Variants in ADAMTS3 observed in about 807,000 individuals in gnomAD.
The protein encoded by ADAMTS3 is ADAM metallopeptidase with thrombospondin type 1 motif 3.
A neutral mutation model predicts 129.0 loss-of-function variants in ADAMTS3; 73 were observed. The ratio of observed to expected loss-of-function variants is 0.57; its 90% confidence interval spans 0.47 to 0.69. ADAMTS3 has a LOEUF of 0.69. Ranked by LOEUF, ADAMTS3 falls within the 30% of genes least tolerant of loss-of-function variation. The pLI is 0.00. For synonymous variants in ADAMTS3, 477 were observed against 510.8 expected, an observed-to-expected ratio of 0.93 and a Z score of 0.89; for missense variants, 1,457 against 1,514.5, an observed-to-expected ratio of 0.96 and a Z score of 0.63.
intron 3 of ADAMTS3, among the ~76,000 whole-genome samples, chr4:72,458,941 T>C (rs1718693856): frequency 6.6e-6 from 1 of 151,146 alleles, no homozygotes; most frequent in Admixed American, 6.6e-5. Context: ...TAAACAACAT[T>C]CCCCATAGCA....
At chr4:72,530,453 TATATATTAA>T (rs1211985039) in intron 3 of ADAMTS3, among the ~76,000 whole-genome samples, 1 of 89,656 alleles carries the variant, frequency 1.1e-5, no homozygotes, top group African/African-American at 4.6e-5. Context: ...TAATATATAT[TATATATTAA>T]ATATATTAAT....
intron 4 of ADAMTS3, among the ~76,000 whole-genome samples, chr4:72,369,494 T>C (rs1021335463): frequency 2.0e-5 from 3 of 152,070 alleles, no homozygotes; most frequent in African/African-American, 7.2e-5. Flanking sequence ...GCAGATCACT[T>C]GAGGTCAGGA....
chr4:72,530,044 ATATTTAT>A lies in ADAMTS3; in HGVS notation c.504+18427_504+18433del, dbSNP rs1720949437. Among the ~76,000 whole-genome samples, 11 of 20,422 alleles carry A rather than the reference ATATTTAT, an allele frequency of 5.4e-4. 4 individuals are homozygous for A. The highest frequency in any genetic ancestry group is 3.1e-3 in the African/African-American group (11 of 3,604). The allele number at this position is 20,422 out of a possible 152,430, so 13.4% of individuals were successfully genotyped here. A position where few individuals can be genotyped will look rare whatever the true frequency, so the allele number is the denominator to read the frequency against. ...TATTTATATATAAATATAATATATTATATTTATATATAATATGTTATATATAACATAT... is the reference window on the plus strand; with the variant it reads ...TATTTATATATAAATATAATATATTAATATAATATGTTATATATAACATAT... On this transcript the variant is annotated intron_variant, in intron 3 of 21. Coordinates refer to ENST00000286657, the MANE Select transcript of ADAMTS3 (RefSeq NM_014243.3).
chr4:72,439,929 T>C (rs1047787139), intron 3 of ADAMTS3, among the ~76,000 whole-genome samples: 2 of 151,968 alleles, frequency 1.3e-5, no homozygotes, highest in East Asian at 2.0e-4. Context: ...TTTCACTCAA[T>C]TGTTTACAAA....
chr4:72,337,290 G>A (rs1720015276), intron 5 of ADAMTS3, among the ~76,000 whole-genome samples: 1 of 151,770 alleles, frequency 6.6e-6, no homozygotes, highest in African/African-American at 2.4e-5. Flanking sequence ...TTTTTTAATG[G>A]ACTTAAGAAC....
intron 3 of ADAMTS3, among the ~76,000 whole-genome samples, chr4:72,541,018 C>A (rs1209555578): frequency 6.6e-6 from 1 of 152,128 alleles, no homozygotes; most frequent in Non-Finnish European, 1.5e-5. Context: ...TCCTCCAGAC[C>A]CCAGAATGAT....
At chr4:72,368,218 C>T (rs2109863571) in intron 4 of ADAMTS3, among the ~76,000 whole-genome samples, 1 of 152,250 alleles carries the variant, frequency 6.6e-6, no homozygotes, top group Non-Finnish European at 1.5e-5. Context: ...AGATGGCTTT[C>T]TAAAATATTT....
At chr4:72,296,219 A>G (rs1692956883) in intron 18 of ADAMTS3, among the ~76,000 whole-genome samples, 1 of 152,068 alleles carries the variant, frequency 6.6e-6, no homozygotes, top group Admixed American at 6.6e-5. Flanking sequence ...TCAGCAGAAT[A>G]CTGAAGTTCA....
intron 3 of ADAMTS3, among the ~76,000 whole-genome samples, chr4:72,513,546 A>G (rs1720372139): frequency 6.6e-6 from 1 of 151,980 alleles, no homozygotes; most frequent in Admixed American, 6.6e-5. Context: ...GTTTATTGAC[A>G]CTCCAAAGCT....
At chr4:72,402,464 T>C (rs1297356844) in intron 4 of ADAMTS3, among the ~76,000 whole-genome samples, 1 of 152,176 alleles carries the variant, frequency 6.6e-6, no homozygotes, top group Non-Finnish European at 1.5e-5. Context: ...ATTTGTAATT[T>C]AATATTGTCT....
intron 20 of ADAMTS3, among the ~76,000 whole-genome samples, chr4:72,290,564 CA>C (rs1224914477): frequency 6.6e-6 from 1 of 152,134 alleles, no homozygotes; most frequent in Non-Finnish European, 1.5e-5. Flanking sequence ...CATTCAATAT[CA>C]GGGGTTTGGA....
intron 17 of ADAMTS3, among the ~76,000 whole-genome samples, chr4:72,299,569 G>A (rs1028344290): frequency 6.6e-6 from 1 of 152,052 alleles, no homozygotes; most frequent in Non-Finnish European, 1.5e-5. Context: ...TGATAGACTG[G>A]TGAATGGTCC....
chr4:72,444,246 C>T (rs1718193499), intron 3 of ADAMTS3, among the ~76,000 whole-genome samples: 1 of 151,658 alleles, frequency 6.6e-6, no homozygotes, highest in Non-Finnish European at 1.5e-5. Flanking sequence ...GCTACCCTCA[C>T]CAAAATCTAA....
At chr4:72,290,786 C>A in intron 20 of ADAMTS3, 69 bp downstream of exon 20, 2 of 1,521,610 alleles carry the variant, frequency 1.3e-6, no homozygotes, top group Non-Finnish European at 1.8e-6. Context: ...ATGTTTAAGC[C>A]AAATTAAAAT....
intron 4 of ADAMTS3, among the ~76,000 whole-genome samples, chr4:72,362,502 A>G (rs1720755240): frequency 6.6e-6 from 1 of 152,196 alleles, no homozygotes; most frequent in Non-Finnish European, 1.5e-5. Context: ...AGTAGCCCTT[A>G]TTATCAGTAG....
intron 3 of ADAMTS3, among the ~76,000 whole-genome samples, chr4:72,417,027 T>C (rs1047521499): frequency 6.6e-5 from 10 of 152,240 alleles, no homozygotes; most frequent in African/African-American, 2.4e-4. Context: ...TGGAAGTTTA[T>C]AAGGTGAAGT....
intron 2 of ADAMTS3, among the ~76,000 whole-genome samples, chr4:72,563,151 G>GAA (rs1721945004): frequency 6.6e-6 from 1 of 152,100 alleles, no homozygotes; most frequent in South Asian, 2.1e-4. Flanking sequence ...GAAAAGCAGT[G>GAA]AAAGCATGGC....
intron 3 of ADAMTS3, among the ~76,000 whole-genome samples, chr4:72,464,584 G>A (rs904763116): frequency 1.3e-5 from 2 of 152,012 alleles, no homozygotes; most frequent in African/African-American, 2.4e-5. Flanking sequence ...TTTACTCTGT[G>A]TTGAATTCTG....
At chr4:72,289,540 GAT>G (rs1032695236) in intron 20 of ADAMTS3, among the ~76,000 whole-genome samples, 6 of 152,154 alleles carry the variant, frequency 3.9e-5, no homozygotes, top group African/African-American at 1.4e-4. Context: ...CTGAGACTTT[GAT>G]ATGTGTTATC....
Sources: gnomAD v4.1 joint callset for allele counts (sites outside exome capture counted in the v4.1 genomes callset) on GRCh38, gnomAD v4.1.1 for gene constraint, MANE v1.5 for transcripts, NCBI Gene and HGNC (gene_info 2026-07-23, HGNC 2026-07-21) for gene names.